Variants in LRRTM4 observed in about 807,000 individuals in gnomAD.
LRRTM4 encodes the protein leucine rich repeat transmembrane neuronal 4, also known as leucine-rich repeat transmembrane neuronal protein 4.
In LRRTM4, 25 loss-of-function variants were observed where a neutral mutation model predicts 47.6. That is an observed-to-expected ratio of 0.53 (90% confidence interval 0.38 to 0.73). The LOEUF is 0.73. Ranked by LOEUF, LRRTM4 falls within the 30% of genes least tolerant of loss-of-function variation. LRRTM4 has a pLI of 0.00. For synonymous variants in LRRTM4, 311 were observed against 269.5 expected, an observed-to-expected ratio of 1.15 and a Z score of -1.51; for missense variants, 638 against 713.4, an observed-to-expected ratio of 0.89 and a Z score of 1.20.
chr2:76,836,146 T>A (rs1324995232), intron 3 of LRRTM4, among the ~76,000 whole-genome samples: 3 of 106,556 alleles, frequency 2.8e-5, no homozygotes, highest in African/African-American at 7.3e-5. Flanking sequence ...TCTCAAGATA[T>A]TATAGTATGC....
At chr2:77,247,720 A>G (rs1331359472) in intron 3 of LRRTM4, among the ~76,000 whole-genome samples, 7 of 152,084 alleles carry the variant, frequency 4.6e-5, no homozygotes, top group Non-Finnish European at 8.8e-5. Context: ...GAAAAATGTC[A>G]TATTGTTCTT....
intron 3 of LRRTM4, among the ~76,000 whole-genome samples, chr2:77,040,306 C>T (rs1678983388): frequency 6.6e-6 from 1 of 151,270 alleles, no homozygotes; most frequent in Non-Finnish European, 1.5e-5. Flanking sequence ...TCATCATTTG[C>T]TAAATGCTTG....
chr2:76,765,529 C>G (rs1286281621), intron 3 of LRRTM4, among the ~76,000 whole-genome samples: 2 of 152,254 alleles, frequency 1.3e-5, no homozygotes, highest in South Asian at 2.1e-4. Context: ...AGTTGGAAAA[C>G]TGATCCACTA....
intron 3 of LRRTM4, among the ~76,000 whole-genome samples, chr2:77,038,399 C>CG (rs1362713863): frequency 4.6e-5 from 7 of 151,404 alleles, no homozygotes; most frequent in African/African-American, 1.7e-4. Context: ...TGCTTTGTTT[C>CG]GATTTGTTTT....
At chr2:77,456,227 C>T (rs1676534987) in intron 3 of LRRTM4, among the ~76,000 whole-genome samples, 1 of 152,174 alleles carries the variant, frequency 6.6e-6, no homozygotes, top group African/African-American at 2.4e-5. Flanking sequence ...CTACTGCTTA[C>T]TATTTACTAT....
At chr2:77,284,875 C>T (rs893817416) in intron 3 of LRRTM4, among the ~76,000 whole-genome samples, 2 of 151,992 alleles carry the variant, frequency 1.3e-5, no homozygotes, top group East Asian at 1.9e-4. Flanking sequence ...AAGCAATTCA[C>T]TCAGAAGCTG....
chr2:77,385,994 TGA>T (rs1673255154), intron 3 of LRRTM4, among the ~76,000 whole-genome samples: 1 of 151,902 alleles, frequency 6.6e-6, no homozygotes, highest in Non-Finnish European at 1.5e-5. Flanking sequence ...TGACCTCAGG[TGA>T]TCCAACCACC....
chr2:76,854,394 C>T (rs1427483730), intron 3 of LRRTM4, among the ~76,000 whole-genome samples: 1 of 151,756 alleles, frequency 6.6e-6, no homozygotes, highest in Non-Finnish European at 1.5e-5. Context: ...GTCATGATAC[C>T]CACTGAGGTG....
chr2:77,052,030 T>A (rs986401643), intron 3 of LRRTM4, among the ~76,000 whole-genome samples: 1 of 151,606 alleles, frequency 6.6e-6, no homozygotes, highest in African/African-American at 2.4e-5. Flanking sequence ...AAATGAGACA[T>A]AGATTGTGTC....
intron 3 of LRRTM4, among the ~76,000 whole-genome samples, chr2:77,033,384 A>C (rs1343682734): frequency 6.6e-6 from 1 of 151,696 alleles, no homozygotes; most frequent in Admixed American, 6.6e-5. Flanking sequence ...ATTTTCCATT[A>C]GTAGTATAAT....
chr2:77,246,278 T>A (rs1346603147), intron 3 of LRRTM4, among the ~76,000 whole-genome samples: 2 of 152,162 alleles, frequency 1.3e-5, no homozygotes, highest in African/African-American at 4.8e-5. Context: ...AAATTGGGAA[T>A]TAGACAAAGT....
chr2:76,850,323 G>A (rs1164327381), intron 3 of LRRTM4, among the ~76,000 whole-genome samples: 2 of 152,082 alleles, frequency 1.3e-5, no homozygotes, highest in African/African-American at 4.8e-5. Context: ...TATTCTGGAA[G>A]CCCAGTAAAA....
At chr2:77,343,214 A>T (rs1317674649) in intron 3 of LRRTM4, among the ~76,000 whole-genome samples, 1 of 151,858 alleles carries the variant, frequency 6.6e-6, no homozygotes, top group East Asian at 1.9e-4. Flanking sequence ...AGGTAAAGAT[A>T]TTTTTTTCCG....
intron 3 of LRRTM4, among the ~76,000 whole-genome samples, chr2:76,986,247 T>C (rs1676790367): frequency 6.6e-6 from 1 of 151,962 alleles, no homozygotes; most frequent in Non-Finnish European, 1.5e-5. Flanking sequence ...CTTTTAGTTG[T>C]AAAGGAAAGC....
intron 3 of LRRTM4, among the ~76,000 whole-genome samples, chr2:77,038,473 T>C (rs1398261236): frequency 6.6e-6 from 1 of 151,562 alleles, no homozygotes; most frequent in Non-Finnish European, 1.5e-5. Context: ...TATAAAGTAC[T>C]GTTCAGAGTC....
intron 3 of LRRTM4, among the ~76,000 whole-genome samples, chr2:77,459,603 C>A (rs1160934475): frequency 7.0e-6 from 1 of 142,460 alleles, no homozygotes; most frequent in African/African-American, 2.5e-5. Flanking sequence ...AAATTCATGA[C>A]ACTTATATAA....
At chr2:77,503,978 A>G (rs929409312) in intron 3 of LRRTM4, among the ~76,000 whole-genome samples, 2 of 151,692 alleles carry the variant, frequency 1.3e-5, no homozygotes, top group African/African-American at 4.8e-5. Context: ...TGAAGAACTT[A>G]GCAATTGATG....
At chr2:77,201,478 T>G (rs1236088251) in intron 3 of LRRTM4, among the ~76,000 whole-genome samples, 2 of 152,118 alleles carry the variant, frequency 1.3e-5, no homozygotes, top group African/African-American at 2.4e-5. Context: ...AATTATTACT[T>G]AAAAACAATA....
chr2:76,971,936 T>C (rs1290877371), intron 3 of LRRTM4, among the ~76,000 whole-genome samples: 1 of 152,114 alleles, frequency 6.6e-6, no homozygotes, highest in South Asian at 2.1e-4. Context: ...TTGATCATGG[T>C]GACAGTGCTG....
Sources: allele counts gnomAD v4.1 joint callset (sites outside exome capture counted in the v4.1 genomes callset), GRCh38; gene constraint gnomAD v4.1.1; transcripts MANE v1.5; gene names NCBI Gene and HGNC (gene_info 2026-07-23, HGNC 2026-07-21).